TRDN: variants seen among roughly 807,000 people sequenced by gnomAD.
TRDN encodes triadin in skeletal muscle.
A neutral mutation model predicts 149.7 loss-of-function variants in TRDN; 161 were observed. That is an observed-to-expected ratio of 1.08 (90% confidence interval 0.95 to 1.23). TRDN has a LOEUF of 1.23. Among genes scored for constraint, TRDN ranks in the 50% most tolerant of loss-of-function variants. TRDN has a pLI of 0.00. For missense variants in TRDN, 896 were observed against 823.5 expected, an observed-to-expected ratio of 1.09 and a Z score of -1.08; for synonymous variants, 294 against 250.5, an observed-to-expected ratio of 1.17 and a Z score of -1.64.
At chr6:123,410,953 T>A (rs1773410858) in intron 12 of TRDN, among the ~76,000 whole-genome samples, 1 of 151,914 alleles carries the variant, frequency 6.6e-6, no homozygotes, top group Non-Finnish European at 1.5e-5. Context: ...AATACTAATA[T>A]AATGAACGGC....
intron 8 of TRDN, chr6:123,503,512 T>C: frequency 1.4e-6 from 2 of 1,411,154 alleles, no homozygotes; most frequent in South Asian, 1.7e-5. Flanking sequence ...AAATGCCCCT[T>C]TAGATCTGTG....
chr6:123,515,034 T>C (rs1322680597), intron 6 of TRDN, among the ~76,000 whole-genome samples: 2 of 151,936 alleles, frequency 1.3e-5, no homozygotes, highest in Admixed American at 1.3e-4. Context: ...CCATGGCACA[T>C]GTATACCTAT....
chr6:123,439,077 T>G (rs936108778), intron 10 of TRDN, 74 bp from the exon 11 acceptor site: 23 of 1,241,642 alleles, frequency 1.9e-5, no homozygotes, highest in Non-Finnish European at 2.5e-5. Context: ...AAATGAAGGA[T>G]TTTTGTTAAG....
intron 9 of TRDN, among the ~76,000 whole-genome samples, chr6:123,491,494 A>C (rs546923603): frequency 3.2e-4 from 49 of 152,284 alleles, no homozygotes; most frequent in African/African-American, 9.9e-4. Context: ...CAAAACTTTC[A>C]CTTTCCCTTT....
At chr6:123,381,956 G>GCTCTCTCTCTCTCTCTCT (rs55997261) in intron 15 of TRDN, among the ~76,000 whole-genome samples, 162 bp downstream of exon 15, 15 of 138,520 alleles carry the variant, frequency 1.1e-4, no homozygotes, top group African/African-American at 3.0e-4. Context: ...TAGATTTGGC[G>GCTCTCTCTCTCTCTCTCT]CTCTCTCTCT....
chr6:123,431,676 A>G (rs896818668), intron 12 of TRDN, among the ~76,000 whole-genome samples: 2 of 152,318 alleles, frequency 1.3e-5, no homozygotes, highest in African/African-American at 4.8e-5. Flanking sequence ...ATGAATACAT[A>G]TGAAAGATAC....
At position 123,399,997 on chromosome 6, in the gene TRDN, A is replaced by G. The variant is rs567172295; in HGVS notation, c.1052-6320T>C. On this transcript the variant is annotated intron_variant, in intron 12 of 40. Transcript: ENST00000334268. ...ATTTCAAGTAGAAATTTGACACTTT[A>G]GTGAAATAAATGTTATGATTTGGAA... 1.1e-4 allele frequency among the ~76,000 whole-genome samples: 16 copies of G among 152,070 alleles called. 1 individual carries two copies. The South Asian group carries it at 2.3e-3, about 22-fold the overall frequency.
chr6:123,539,348 C>A (rs887012582), intron 4 of TRDN, among the ~76,000 whole-genome samples: 4 of 152,122 alleles, frequency 2.6e-5, no homozygotes, highest in African/African-American at 9.7e-5. Context: ...CATTGCTGGT[C>A]CATGGGCCAT....
intron 1 of TRDN, among the ~76,000 whole-genome samples, chr6:123,595,342 T>C (rs1263372983): frequency 6.6e-6 from 1 of 152,112 alleles, no homozygotes; most frequent in Non-Finnish European, 1.5e-5. Flanking sequence ...CTTTCTGCAG[T>C]CATATCCTTC....
At chr6:123,450,671 T>G (rs1775714298) in intron 10 of TRDN, among the ~76,000 whole-genome samples, 1 of 152,170 alleles carries the variant, frequency 6.6e-6, no homozygotes, top group Non-Finnish European at 1.5e-5. Flanking sequence ...AATACTCCAC[T>G]GACAGCACTA....
chr6:123,237,539 C>T (rs565538165), intron 38 of TRDN, among the ~76,000 whole-genome samples: 25 of 152,258 alleles, frequency 1.6e-4, no homozygotes, highest in Non-Finnish European at 2.9e-4. Flanking sequence ...TGAGCCACTG[C>T]GCCCTGACAC....
chr6:123,518,409 C>A (rs949092932), intron 5 of TRDN, among the ~76,000 whole-genome samples: 17 of 152,208 alleles, frequency 1.1e-4, no homozygotes, highest in African/African-American at 3.9e-4. Flanking sequence ...TTTAAAGTTT[C>A]TCTGAGGGGG....
chr6:123,265,955 C>T (rs1776937933), intron 32 of TRDN, among the ~76,000 whole-genome samples: 1 of 145,674 alleles, frequency 6.9e-6, no homozygotes, highest in South Asian at 2.1e-4. Flanking sequence ...AGTTCTATTT[C>T]TTCATAAAAA....
chr6:123,278,754 G>C (rs904415692), intron 25 of TRDN, among the ~76,000 whole-genome samples: 1 of 152,184 alleles, frequency 6.6e-6, no homozygotes, highest in Non-Finnish European at 1.5e-5. Flanking sequence ...GGGCAACAGA[G>C]TGAGACTCTG....
intron 1 of TRDN, among the ~76,000 whole-genome samples, chr6:123,575,195 C>T (rs1214534170): frequency 1.3e-5 from 2 of 151,572 alleles, no homozygotes; most frequent in African/African-American, 2.4e-5. Flanking sequence ...AGTATACAAC[C>T]CCAAAGCTAT....
intron 24 of TRDN, among the ~76,000 whole-genome samples, chr6:123,288,456 G>C (rs755252292): frequency 2.6e-5 from 4 of 151,992 alleles, no homozygotes; most frequent in Non-Finnish European, 5.9e-5. Context: ...CCTATGGAAT[G>C]GGAGGTAATA....
At chr6:123,527,630 C>A (rs1464572723) in intron 5 of TRDN, among the ~76,000 whole-genome samples, 1 of 151,712 alleles carries the variant, frequency 6.6e-6, no homozygotes, top group African/African-American at 2.4e-5. Context: ...CCCCAGGGGC[C>A]ATTTATATGA....
At chr6:123,587,764 G>A (rs1475769940) in intron 1 of TRDN, among the ~76,000 whole-genome samples, 4 of 150,252 alleles carry the variant, frequency 2.7e-5, no homozygotes, top group African/African-American at 7.4e-5. Flanking sequence ...TAAAGCAAAA[G>A]GGGGGGTTGT....
intron 1 of TRDN, among the ~76,000 whole-genome samples, chr6:123,634,634 A>C (rs1786196953): frequency 6.6e-6 from 1 of 151,982 alleles, no homozygotes; most frequent in African/African-American, 2.4e-5. Flanking sequence ...GAAACTGTGT[A>C]GTAACAAAGT....
Sources: gnomAD v4.1 joint callset for allele counts (sites outside exome capture counted in the v4.1 genomes callset) on GRCh38, gnomAD v4.1.1 for gene constraint, MANE v1.5 for transcripts, NCBI Gene and HGNC (gene_info 2026-07-23, HGNC 2026-07-21) for gene names.